BAG3: variants seen among roughly 807,000 people sequenced by gnomAD.
BAG3 encodes the protein BAG cochaperone 3, also known as BAG family molecular chaperone regulator 3.
In BAG3, 14 loss-of-function variants were observed where a neutral mutation model predicts 40.5. The ratio of observed to expected loss-of-function variants is 0.35; its 90% CI spans 0.23 to 0.54. The LOEUF (loss-of-function observed/expected upper bound fraction) is 0.54, where lower values mean the gene tolerates loss of function less well. Ranked by LOEUF, BAG3 falls within the 20% of genes least tolerant of loss-of-function variation. The pLI is 0.91. For missense variants in BAG3, 788 were observed against 758.6 expected (o/e 1.04, Z -0.46); for synonymous variants, 302 against 307.8 (o/e 0.98, Z 0.20).
At chr10:119,656,915 C>G (rs111671268) in intron 1 of BAG3, among the ~76,000 whole-genome samples, 169 of 152,262 alleles carry the variant, frequency 1.1e-3, no homozygotes, top group African/African-American at 4.0e-3. Flanking sequence ...TTTGGAGAGG[C>G]AGTGTGCCTG....
chr10:119,670,235 C>A, intron 2 of BAG3, 58 bp downstream of exon 2: 1 of 1,543,378 alleles, frequency 6.5e-7, no homozygotes, highest in South Asian at 1.2e-5. Context: ...GCTTCCCAGG[C>A]CGGGCCCATC....
chr10:119,664,091 G>A (rs1847028109), intron 1 of BAG3, among the ~76,000 whole-genome samples: 1 of 152,140 alleles, frequency 6.6e-6, no homozygotes, highest in African/African-American at 2.4e-5. Flanking sequence ...AGCCTCTTCC[G>A]AGCTCTCCTG....
At chr10:119,669,550 C>G (rs576282385) in intron 1 of BAG3, among the ~76,000 whole-genome samples, 1 of 152,208 alleles carries the variant, frequency 6.6e-6, no homozygotes, top group Non-Finnish European at 1.5e-5. Context: ...CTACACTCAC[C>G]GCTTCCCTCA....
chr10:119,651,926 G>A lies in BAG3; in HGVS notation c.180+71G>A, dbSNP rs543356821. The A allele has an allele frequency of 2.3e-5, 29 of 1,247,850 alleles. No homozygotes were observed. The African/African-American group carries it at 3.9e-4, about 17-fold the overall frequency. The allele number at this position is 1,247,850 out of a possible 1,614,324, so 77.3% of individuals were successfully genotyped here. A position where few individuals can be genotyped will look rare whatever the true frequency, so the allele number is the denominator to read the frequency against. Reference sequence around the variant, plus strand: ...CGGCAGGCGGCGGGGAGTGGGCTGGGCCGGGGGGACGCGAGGCGGCGGGGC... The same window carrying A: ...CGGCAGGCGGCGGGGAGTGGGCTGGACCGGGGGGACGCGAGGCGGCGGGGC... On this transcript the variant is annotated intron_variant, in intron 1 of 3. Coordinates refer to ENST00000369085, the MANE Select transcript of BAG3 (RefSeq NM_004281.4).
intron 1 of BAG3, chr10:119,656,744 G>A (rs1846918073): frequency 6.6e-6 from 1 of 152,086 alleles, no homozygotes; most frequent in Admixed American, 6.6e-5. Context: ...AAGAATTTGG[G>A]GGGAGAGGAA....
intron 3 of BAG3, among the ~76,000 whole-genome samples, chr10:119,674,430 A>G (rs1406623197): frequency 6.6e-6 from 1 of 152,172 alleles, no homozygotes; most frequent in East Asian, 1.9e-4. Context: ...TCATCAGTGA[A>G]ATGATATTTC....
chr10:119,676,873 A>C lies in BAG3; in HGVS notation c.1319A>C (p.Asp440Ala), dbSNP rs760851766. 1 of 1,614,064 alleles carries C rather than the reference A, an allele frequency of 6.2e-7. No individual in the cohort carries two copies. Among genetic ancestry groups the C allele is most frequent in the East Asian group, 2.2e-5 (1 of 44,904 alleles). Residue 440 changes from aspartate to alanine, a missense_variant, in exon 4 of 4, where the codon GAC (aspartate) becomes GCC (alanine). By Grantham distance (126) the Asp-to-Ala change is moderately radical. Coordinates refer to ENST00000369085, the MANE Select transcript of BAG3 (RefSeq NM_004281.4). ...EKVQGLEQAVDNFEGKKTDKK... is the reference protein window; with the variant it reads ...EKVQGLEQAVANFEGKKTDKK... ...GTACAGGGGCTGGAGCAGGCTGTAG[A>C]CAACTTTGAAGGCAAGAAGACTGAC...
intron 1 of BAG3, among the ~76,000 whole-genome samples, chr10:119,658,863 T>C (rs11598594): frequency 0.013 from 2,026 of 152,280 alleles, 20 homozygotes; most frequent in Non-Finnish European, 0.022. Context: ...AAGCCTGAAC[T>C]GATGCATGCG....
intron 1 of BAG3, among the ~76,000 whole-genome samples, chr10:119,664,781 G>C (rs1820767203): frequency 6.6e-6 from 1 of 152,190 alleles, no homozygotes; most frequent in African/African-American, 2.4e-5. Context: ...GTTTTAGTCA[G>C]ATTCTAGAAT....
chr10:119,666,446 A>G (rs1221236718), intron 1 of BAG3, among the ~76,000 whole-genome samples: 1 of 152,254 alleles, frequency 6.6e-6, no homozygotes, highest in Non-Finnish European at 1.5e-5. Flanking sequence ...TCCAGCAAGC[A>G]GTCTCTGCTG....
chr10:119,669,977 G>A lies in BAG3; in HGVS notation c.307G>A (p.Ala103Thr), dbSNP rs774085716. ...YIPIPVLHEG[A>T]ENRQVHPFHV... ...TCCCATTCCTGTGCTCCATGAAGGC[G>A]CTGAGAACCGGCAGGTGCACCCTTT... The change falls in exon 2 of 4, where the codon GCT (alanine) becomes ACT (threonine). Residue 103 changes from alanine to threonine, a missense_variant. Coordinates refer to ENST00000369085, the MANE Select transcript of BAG3 (RefSeq NM_004281.4). 11 of 1,614,088 alleles carry A rather than the reference G, an allele frequency of 6.8e-6. No individual in the cohort carries two copies. Among genetic ancestry groups the A allele is most frequent in the South Asian group, 1.1e-5 (1 of 91,090 alleles).
At chr10:119,665,004 C>T (rs1044991578) in intron 1 of BAG3, among the ~76,000 whole-genome samples, 5 of 151,492 alleles carry the variant, frequency 3.3e-5, no homozygotes, top group Admixed American at 6.6e-5. Context: ...CTGCAACCTC[C>T]GCCTCCAGCT....
At chr10:119,669,316 A>C (rs196325) in intron 1 of BAG3, among the ~76,000 whole-genome samples, 1 of 151,962 alleles carries the variant, frequency 6.6e-6, no homozygotes, top group African/African-American at 2.4e-5. Flanking sequence ...TGTTCTAACA[A>C]TACTCCTGAG....
chr10:119,651,674 G>A lies in BAG3; in HGVS notation c.-2G>A. 1 of 1,578,124 alleles carries A rather than the reference G, an allele frequency of 6.3e-7. No homozygotes were observed. Among genetic ancestry groups the A allele is most frequent in the Non-Finnish European group, 8.6e-7 (1 of 1,163,626 alleles). On this transcript the variant is annotated 5_prime_UTR_variant, in exon 1 of 4. Coordinates refer to ENST00000369085, the MANE Select transcript of BAG3 (RefSeq NM_004281.4). ...GCCCCAGCGGGCAGACCCCAACCCA[G>A]CATGAGCGCCGCCACCCACTCGCCC...
At chr10:119,664,747 A>C (rs986409255) in intron 1 of BAG3, among the ~76,000 whole-genome samples, 3 of 152,160 alleles carry the variant, frequency 2.0e-5, no homozygotes, top group African/African-American at 7.2e-5. Flanking sequence ...GAACTTGAAA[A>C]CACTTAGTAG....
At position 119,670,153 on chromosome 10, in the gene BAG3, GC is replaced by G. The variant is rs1847128695; in HGVS notation, c.488del (p.Pro163GlnfsTer48). 2 of 1,610,936 alleles carry G rather than the reference GC, an allele frequency of 1.2e-6. No individual in the cohort carries two copies. Among genetic ancestry groups the G allele is most frequent in the African/African-American group, 1.3e-5 (1 of 74,928 alleles). ...GQVAAAAAAQPPASHGPERSQ... is the reference protein window; with the variant it reads ...GQVAAAAAAQXPASHGPERSQ... ...AGGTGGCAGCGGCGGCGGCAGCCCA[GC>G]CCCCAGCCTCCCACGGACCTGAGGT... On this transcript the variant is annotated frameshift_variant, in exon 2 of 4. Coordinates refer to ENST00000369085, the MANE Select transcript of BAG3 (RefSeq NM_004281.4). LOFTEE classifies it high-confidence loss of function.
chr10:119,662,785 T>C (rs1847010371), intron 1 of BAG3, among the ~76,000 whole-genome samples: 1 of 152,054 alleles, frequency 6.6e-6, no homozygotes, highest in African/African-American at 2.4e-5. Flanking sequence ...GAGGCCGAGA[T>C]GGGCAGATCA....
chr10:119,660,459 A>G (rs1378455004), intron 1 of BAG3, among the ~76,000 whole-genome samples: 1 of 152,206 alleles, frequency 6.6e-6, no homozygotes, highest in Non-Finnish European at 1.5e-5. Context: ...AGAAAGTGAC[A>G]TCCTTGCTAA....
At chr10:119,661,848 G>T (rs1397009891) in intron 1 of BAG3, among the ~76,000 whole-genome samples, 1 of 152,122 alleles carries the variant, frequency 6.6e-6, no homozygotes, top group African/African-American at 2.4e-5. Flanking sequence ...ATAGTGCTGG[G>T]GGAGTGGGAG....
Sources: allele counts gnomAD v4.1 joint callset (sites outside exome capture counted in the v4.1 genomes callset), GRCh38; gene constraint gnomAD v4.1.1; transcripts MANE v1.5; gene names NCBI Gene and HGNC (gene_info 2026-07-23, HGNC 2026-07-21).